The following PICK1 variants were observed in gnomAD, a reference collection of about 807,000 sequenced individuals.
PICK1 encodes protein interacting with PRKCA 1, also known as PRKCA-binding protein.
A neutral mutation model predicts 48.9 loss-of-function variants in PICK1; 23 were observed. The ratio of observed to expected loss-of-function variants is 0.47; its 90% CI spans 0.34 to 0.67. The LOEUF (loss-of-function observed/expected upper bound fraction) is 0.67, where lower values mean the gene tolerates loss of function less well. Ranked by LOEUF, PICK1 falls within the 30% of genes least tolerant of loss-of-function variation. PICK1 has a pLI of 0.01. For synonymous variants in PICK1, 217 were observed against 228.2 expected, an observed-to-expected ratio of 0.95 and a Z score of 0.44; for missense variants, 423 against 557.1, an observed-to-expected ratio of 0.76 and a Z score of 2.42.
Position 38,074,311 on chromosome 22 carries a change from T to G in PICK1, c.839T>G (p.Leu280Arg). Residue 280 changes from leucine (L) to arginine (R), a missense_variant, in exon 12 of 13, where the codon CTA becomes CGA. Leu to Arg is a moderately radical substitution (Grantham distance 102). Coordinates refer to ENST00000356976, the MANE Select transcript of PICK1 (RefSeq NM_012407.4). This position sits in a 1 kb window ranked among gnomAD's most constrained non-coding sequence, Gnocchi z 4.5. ...CCTGTCCCACCCCCGCCCCAGGCCC[T>G]AGGCGAGCCCCTTTACCGGGTGAGC... ...MDDEEYSCIA[L>R]GEPLYRVSTG... is the part of the protein sequence containing the mutation. 1.2e-5 allele frequency: 13 copies of G among 1,065,052 alleles called. No homozygotes were observed. The highest frequency in any genetic ancestry group is 1.7e-5 in the Non-Finnish European group (12 of 712,082). The allele number at this position is 1,065,052 out of a possible 1,614,324, so 66.0% of individuals were successfully genotyped here. A position where few individuals can be genotyped will look rare whatever the true frequency, so the allele number is the denominator to read the frequency against.
At chr22:38,069,603 C>T (rs1303323519) in intron 6 of PICK1, among the ~76,000 whole-genome samples, 1 of 152,216 alleles carries the variant, frequency 6.6e-6, no homozygotes, top group African/African-American at 2.4e-5. Flanking sequence ...GCGAAACACT[C>T]AGTCCCCCTC....
At position 38,064,869 on chromosome 22, in the gene PICK1, G is replaced by A. The variant is rs1419705124; in HGVS notation, c.154-133G>A. On this transcript the variant is annotated intron_variant, in intron 3 of 12. Coordinates refer to ENST00000356976, the MANE Select transcript of PICK1 (RefSeq NM_012407.4). ...CACGCCACTGCACTCCAGCCCGGGT[G>A]GTGAGACGCTTTCTCAAAAAACGAG... 8 of 1,008,806 alleles carry A rather than the reference G, an allele frequency of 7.9e-6. No homozygotes were observed. In the East Asian group the frequency reaches 1.7e-4, roughly 21 times the overall value. 62.5% of individuals were successfully genotyped at this position (1,008,806 alleles called of 1,614,324 possible).
At chr22:38,067,327 T>TTTG in intron 4 of PICK1, 2 of 193,392 alleles carry the variant, frequency 1.0e-5, no homozygotes, top group Admixed American at 5.5e-5. Flanking sequence ...TTTTTTTTTT[T>TTTG]GAGACAGAAT....
intron 5 of PICK1, among the ~76,000 whole-genome samples, chr22:38,068,433 C>G (rs938398665): frequency 6.6e-6 from 1 of 152,200 alleles, no homozygotes; most frequent in Non-Finnish European, 1.5e-5. Flanking sequence ...GGTCTCAGCT[C>G]TGGAGCCCAG....
At position 38,057,516 on chromosome 22, in the gene PICK1, G is replaced by A; in HGVS notation, c.-129G>A. 2.1e-6 allele frequency: 1 copy of A among 468,970 alleles called. No homozygotes were observed. Among genetic ancestry groups the A allele is most frequent in the Non-Finnish European group, 3.9e-6 (1 of 258,168 alleles). The allele number at this position is 468,970 out of a possible 1,614,324, so 29.1% of individuals were successfully genotyped here. A position where few individuals can be genotyped will look rare whatever the true frequency, so the allele number is the denominator to read the frequency against. ...TGAGCGACAGAGGCAGCTCCCCAGGGCCTGGAGACCCGTGGGGCGGACTCT... is the reference window on the plus strand; with the variant it reads ...TGAGCGACAGAGGCAGCTCCCCAGGACCTGGAGACCCGTGGGGCGGACTCT... On this transcript the variant is annotated 5_prime_UTR_variant, in exon 1 of 13. Coordinates refer to ENST00000356976, the MANE Select transcript of PICK1 (RefSeq NM_012407.4).
chr22:38,065,362 A>T, intron 4 of PICK1: 1 of 511,850 alleles, frequency 2.0e-6, no homozygotes, highest in South Asian at 1.9e-5. Flanking sequence ...GAGAGTGGGC[A>T]GCAAGACCAC....
intron 6 of PICK1, among the ~76,000 whole-genome samples, 168 bp from the exon 7 acceptor site, chr22:38,070,670 C>T (rs555463978): frequency 6.6e-6 from 1 of 152,314 alleles, no homozygotes; most frequent in African/African-American, 2.4e-5. Context: ...ATTTACAAAA[C>T]ACCTTTGAAC....
At chr22:38,060,342 A>G (rs1451884877) in intron 3 of PICK1, among the ~76,000 whole-genome samples, 2 of 152,242 alleles carry the variant, frequency 1.3e-5, no homozygotes, top group African/African-American at 2.4e-5. Flanking sequence ...AGGAAGCTGC[A>G]CTGGTGATAT....
Position 38,075,360 on chromosome 22 carries a change from G to A in PICK1, c.*228G>A, listed in dbSNP as rs890105173. 7.4e-6 allele frequency: 4 copies of A among 543,056 alleles called. No homozygotes were observed. The highest frequency in any genetic ancestry group is 1.9e-5 in the African/African-American group (1 of 52,166). 33.6% of individuals were successfully genotyped at this position (543,056 alleles called of 1,614,324 possible). A position where few individuals can be genotyped will look rare whatever the true frequency, so the allele number is the denominator to read the frequency against. On this transcript the variant is annotated 3_prime_UTR_variant, in exon 13 of 13. Coordinates refer to ENST00000356976, the MANE Select transcript of PICK1 (RefSeq NM_012407.4). Reference sequence around the variant, plus strand: ...GCCCCTCCACCCTCCCTCCCCTCCCGGCTCCCCGGCCAGAGGGAGAGCTTG... The same window carrying A: ...GCCCCTCCACCCTCCCTCCCCTCCCAGCTCCCCGGCCAGAGGGAGAGCTTG...
chr22:38,061,353 A>AATAATAATC (rs144404986), intron 3 of PICK1, among the ~76,000 whole-genome samples: 1 of 150,950 alleles, frequency 6.6e-6, no homozygotes, highest in African/African-American at 2.5e-5. Flanking sequence ...AAATAATAAT[A>AATAATAATC]ATCATCATCA....
chr22:38,074,216 T>G lies in PICK1; in HGVS notation c.835-91T>G. ...AAACACTGAAGTCTCAGAAATGAGG[T>G]CTCAGGAATGAAGAACAGCCGTGGC... On this transcript the variant is annotated intron_variant, in intron 11 of 12. Transcript: ENST00000356976. The surrounding 1 kb of genome is among the most constrained non-coding windows in gnomAD (Gnocchi z 4.5). The G allele has an allele frequency of 6.9e-7, 1 of 1,450,778 alleles. No homozygotes were observed. Among genetic ancestry groups the G allele is most frequent in the Non-Finnish European group, 9.6e-7 (1 of 1,040,238 alleles). 89.9% of individuals were successfully genotyped at this position (1,450,778 alleles called of 1,614,324 possible). A position where few individuals can be genotyped will look rare whatever the true frequency, so the allele number is the denominator to read the frequency against.
Position 38,074,774 on chromosome 22 carries a change from G to A in PICK1, c.980-90G>A. 3.9e-6 allele frequency: 6 copies of A among 1,525,082 alleles called. No homozygotes were observed. The South Asian group carries it at 6.9e-5, about 17-fold the overall frequency. 94.5% of individuals were successfully genotyped at this position (1,525,082 alleles called of 1,614,324 possible). ...CCCGAGTGGGAAGCCCAGGGGAGGC[G>A]AGAGGTGGGCCGGGTGGGCTGGGAG... On this transcript the variant is annotated intron_variant, in intron 12 of 12. Transcript: ENST00000356976. The surrounding 1 kb of genome is among the most constrained non-coding windows in gnomAD (Gnocchi z 4.5).
In PICK1 at chr22:38,068,938, C is replaced by A. The variant is rs901437732; in HGVS notation, c.350-95C>A. Reference sequence around the variant, plus strand: ...GCCACCCCCAGCAGCCCTTCTGCCCCCTGTGGGGTGCTCCCTGTGCATGGA... The same window carrying A: ...GCCACCCCCAGCAGCCCTTCTGCCCACTGTGGGGTGCTCCCTGTGCATGGA... On this transcript the variant is annotated intron_variant, in intron 5 of 12. Transcript: ENST00000356976. 2.5e-5 allele frequency: 26 copies of A among 1,020,664 alleles called. No individual in the cohort carries two copies. The Admixed American group carries it at 4.9e-4, about 19-fold the overall frequency. The allele number at this position is 1,020,664 out of a possible 1,614,324, so 63.2% of individuals were successfully genotyped here.
In PICK1 at chr22:38,057,803, C is replaced by G; in HGVS notation, c.-7C>G. ...CAGTTAGCCAGCCCACTCCAACTCTCGGAACCATGTTTGCAGACTTGGATT... is the reference window on the plus strand; with the variant it reads ...CAGTTAGCCAGCCCACTCCAACTCTGGGAACCATGTTTGCAGACTTGGATT... On this transcript the variant is annotated 5_prime_UTR_variant, in exon 2 of 13. Coordinates refer to ENST00000356976, the MANE Select transcript of PICK1 (RefSeq NM_012407.4). 2 of 1,613,746 alleles carry G rather than the reference C, an allele frequency of 1.2e-6. No homozygotes were observed. The highest frequency in any genetic ancestry group is 1.1e-5 in the South Asian group (1 of 91,080).
intron 1 of PICK1, 39 bp downstream of exon 1, chr22:38,057,626 C>T: frequency 1.9e-6 from 1 of 532,970 alleles, no homozygotes. Flanking sequence ...CGGAGACTGT[C>T]CCATCCCACT....
intron 3 of PICK1, among the ~76,000 whole-genome samples, chr22:38,061,696 T>A (rs961845514): frequency 9.2e-5 from 14 of 152,144 alleles, no homozygotes; most frequent in African/African-American, 3.4e-4. Context: ...TTTTTGTGTA[T>A]TTTTTGTAGA....
intron 2 of PICK1, among the ~76,000 whole-genome samples, chr22:38,058,364 C>T (rs1033064762): frequency 1.3e-5 from 2 of 152,038 alleles, no homozygotes; most frequent in South Asian, 2.1e-4. Context: ...AGTGAATCAG[C>T]GTGAGTACTT....
intron 2 of PICK1, among the ~76,000 whole-genome samples, chr22:38,058,898 T>C (rs868749792): frequency 2.6e-5 from 4 of 152,268 alleles, no homozygotes; most frequent in Non-Finnish European, 4.4e-5. Context: ...TCCCAGCTAC[T>C]TGGGCGACTG....
At chr22:38,063,279 C>T (rs2085450284) in intron 3 of PICK1, among the ~76,000 whole-genome samples, 3 of 152,018 alleles carry the variant, frequency 2.0e-5, no homozygotes, top group Admixed American at 2.0e-4. Flanking sequence ...ACCTCAGACC[C>T]CCGAGTAGCT....
Sources: gnomAD v4.1 joint callset for allele counts (sites outside exome capture counted in the v4.1 genomes callset) on GRCh38, gnomAD v4.1.1 for gene constraint, Gnocchi (gnomAD v3.1) non-coding constraint, MANE v1.5 for transcripts, NCBI Gene and HGNC (gene_info 2026-07-23, HGNC 2026-07-21) for gene names.